The following EMC10 variants were observed in gnomAD, a reference collection of about 807,000 sequenced individuals.
EMC10 encodes UPF0510 protein INM02.
A neutral mutation model predicts 32.2 loss-of-function variants in EMC10; 40 were observed. The ratio of observed to expected loss-of-function variants is 1.24; its 90% confidence interval spans 0.96 to 1.61. The LOEUF is 1.61. Ranked by LOEUF, EMC10 falls within the 40% of genes most tolerant of loss-of-function variation. EMC10 has a pLI of 0.00. For missense variants in EMC10, 402 were observed against 357.7 expected (o/e 1.12, Z -1.00); for synonymous variants, 178 against 158.4 (o/e 1.12, Z -0.93).
chr19:50,482,014 GGACCTGGGCGCCCTCCCCTTACGC>G (rs1402025645), intron 6 of EMC10, 111 bp from the exon 7 acceptor site: 9 of 1,590,164 alleles, frequency 5.7e-6, no homozygotes, highest in Non-Finnish European at 6.9e-6. Context: ...GTGACGTAGG[GGACCTGGGCGCCCTCCCCTTACGC>G]GACCTCCCCT....
chr19:50,480,847 C>T lies in EMC10; in HGVS notation c.585-37C>T, dbSNP rs374611840. The T allele has an allele frequency of 2.3e-5, 37 of 1,575,774 alleles. No individual in the cohort carries two copies. Among genetic ancestry groups the T allele is most frequent in the African/African-American group, 1.1e-4 (8 of 73,792 alleles). On this transcript the variant is annotated intron_variant, in intron 5 of 6. Coordinates refer to ENST00000334976, the MANE Select transcript of EMC10 (RefSeq NM_206538.4). The surrounding 1 kb of genome is among the most constrained non-coding windows in gnomAD (Gnocchi z 4.4). ...TCAGGGTCTCCAGGTCCCTGGACTC[C>T]GGGCCTCACCCTTCTCCTCCTCTCC... is the stretch of plus-strand genomic sequence containing the variant.
Position 50,489,795 on chromosome 19 carries a change from C to T in EMC10, c.*7536C>T, listed in dbSNP as rs192686326. The T allele has an allele frequency of 3.2e-3, 496 of 153,246 alleles. No individual in the cohort carries two copies. The highest frequency in any genetic ancestry group is 5.9e-3 in the Non-Finnish European group (405 of 69,038). The allele number at this position is 153,246 out of a possible 1,614,324, so 9.5% of individuals were successfully genotyped here. On this transcript the variant is annotated 3_prime_UTR_variant, in exon 7 of 7. Transcript: ENST00000334976. ...GGAGGAAGGGAAGGAGCTGGAGGGG[C>T]GGGAGAACAGGAGACAGAACAGGAC... is the stretch of plus-strand genomic sequence containing the variant.
In EMC10 at chr19:50,485,760, C is replaced by G. The variant is rs887437121; in HGVS notation, c.*3501C>G. ...ACACTAGAGCTGACCTCACTACTCC[C>G]CTGCTCACAGCCCTCCGCGTGGCCT... is the stretch of plus-strand genomic sequence containing the variant. On this transcript the variant is annotated 3_prime_UTR_variant, in exon 7 of 7. Coordinates refer to ENST00000334976, the MANE Select transcript of EMC10 (RefSeq NM_206538.4). The G allele has an allele frequency of 2.0e-5, 3 of 151,994 alleles. No homozygotes were observed. The highest frequency in any genetic ancestry group is 7.3e-5 in the African/African-American group (3 of 41,038). The allele number at this position is 151,994 out of a possible 1,614,324, so 9.4% of individuals were successfully genotyped here.
In EMC10 at chr19:50,484,554, C is replaced by T. The variant is rs1449638499; in HGVS notation, c.*2295C>T. Reference sequence around the variant, plus strand: ...GGAAATGCCTGAGCTCCTTCAGGCTCCCCTAGCGTTCTGTTCTTATTAAAC... The same window carrying T: ...GGAAATGCCTGAGCTCCTTCAGGCTTCCCTAGCGTTCTGTTCTTATTAAAC... On this transcript the variant is annotated 3_prime_UTR_variant, in exon 7 of 7. Transcript: ENST00000334976. The T allele has an allele frequency of 6.6e-6, 1 of 152,170 alleles. No individual in the cohort carries two copies. Among genetic ancestry groups the T allele is most frequent in the African/African-American group, 2.4e-5 (1 of 41,430 alleles). 9.4% of individuals were successfully genotyped at this position (152,170 alleles called of 1,614,324 possible). A position where few individuals can be genotyped will look rare whatever the true frequency, so the allele number is the denominator to read the frequency against.
chr19:50,481,205 G>A, intron 6 of EMC10: 1 of 504,188 alleles, frequency 2.0e-6, no homozygotes, highest in South Asian at 3.1e-5. Flanking sequence ...TCCTGGGGGA[G>A]GTCTCGGCCT....
At position 50,480,951 on chromosome 19, in the gene EMC10, G is replaced by A. The variant is rs2122662143; in HGVS notation, c.652G>A (p.Glu218Lys). 1 of 1,612,568 alleles carries A rather than the reference G, an allele frequency of 6.2e-7. No individual in the cohort carries two copies. Among genetic ancestry groups the A allele is most frequent in the South Asian group, 1.1e-5 (1 of 91,026 alleles). The change falls in exon 6 of 7, where the codon GAG becomes AAG. Residue 218 changes from glutamate to lysine, a missense_variant. Physicochemically the swap from Glu to Lys is moderately conservative, Grantham distance 56 (BLOSUM62 1). Coordinates refer to ENST00000334976, the MANE Select transcript of EMC10 (RefSeq NM_206538.4). The surrounding 1 kb of genome is among the most constrained non-coding windows in gnomAD (Gnocchi z 4.4). The stretch of plus-strand genomic sequence containing the variant: ...GGCCCAGAAGGCCAAGAACCCCCAG[G>A]AGCAGAAGTCCTTCTTCGCCAAATA... Reference protein sequence around the residue: ...EQAQKAKNPQEQKSFFAKYWM... With the variant: ...EQAQKAKNPQKQKSFFAKYWM...
chr19:50,485,022 C>T lies in EMC10; in HGVS notation c.*2763C>T, dbSNP rs569710813. ...AAGTGTTGCTCTTTTCCCCCACCTT[C>T]TTTTGACATAGCTGGGGCAGTTTCC... On this transcript the variant is annotated 3_prime_UTR_variant, in exon 7 of 7. Coordinates refer to ENST00000334976, the MANE Select transcript of EMC10 (RefSeq NM_206538.4). 1.3e-4 allele frequency: 20 copies of T among 152,324 alleles called. No individual in the cohort carries two copies. The highest frequency in any genetic ancestry group is 4.6e-4 in the African/African-American group (19 of 41,566). 9.4% of individuals were successfully genotyped at this position (152,324 alleles called of 1,614,324 possible).
rs1978455344 is a variant in EMC10, at chr19:50,488,309, A to AG, written c.*6050_*6051insG. 1 of 150,244 alleles carries AG rather than the reference A, an allele frequency of 6.7e-6. No individual in the cohort carries two copies. The highest frequency in any genetic ancestry group is 2.4e-5 in the African/African-American group (1 of 40,846). 9.3% of individuals were successfully genotyped at this position (150,244 alleles called of 1,614,324 possible). On this transcript the variant is annotated 3_prime_UTR_variant, in exon 7 of 7. Transcript: ENST00000334976. ...AGACTCCGTCTCAAAAAAAAAAAAA[A>AG]AAAAAAAAAGAAAAGATGGCCAGAG...
chr19:50,480,443 C>A lies in EMC10; in HGVS notation c.403-138C>A, dbSNP rs949251986. On this transcript the variant is annotated intron_variant, in intron 4 of 6. Transcript: ENST00000334976. The surrounding 1 kb of genome is among the most constrained non-coding windows in gnomAD (Gnocchi z 4.4). ...GACTCCCGGGTGGGGGGCGGTTGAA[C>A]TTGGGCCTGAGGGTAACAGGGAGCC... 8.7e-7 allele frequency: 1 copy of A among 1,145,886 alleles called. No individual in the cohort carries two copies. Among genetic ancestry groups the A allele is most frequent in the Non-Finnish European group, 1.2e-6 (1 of 816,662 alleles). The allele number at this position is 1,145,886 out of a possible 1,614,324, so 71.0% of individuals were successfully genotyped here. A position where few individuals can be genotyped will look rare whatever the true frequency, so the allele number is the denominator to read the frequency against.
At chr19:50,479,512 C>A (rs536180317) in intron 3 of EMC10, among the ~76,000 whole-genome samples, 23 of 152,316 alleles carry the variant, frequency 1.5e-4, no homozygotes, top group African/African-American at 5.3e-4. Flanking sequence ...AGGGGTCATG[C>A]AGAGAGGCCC....
chr19:50,485,737 A>G lies in EMC10; in HGVS notation c.*3478A>G. On this transcript the variant is annotated 3_prime_UTR_variant, in exon 7 of 7. Coordinates refer to ENST00000334976, the MANE Select transcript of EMC10 (RefSeq NM_206538.4). ...TCCCCCTAATGGAGAGCTTCCTGAC[A>G]CTAGAGCTGACCTCACTACTCCCCT... 8.1e-6 allele frequency: 1 copy of G among 123,118 alleles called. No homozygotes were observed. The highest frequency in any genetic ancestry group is 2.8e-4 in the East Asian group (1 of 3,582). 7.6% of individuals were successfully genotyped at this position (123,118 alleles called of 1,614,324 possible).
intron 1 of EMC10, 60 bp downstream of exon 1, chr19:50,476,718 CT>C: frequency 9.1e-7 from 1 of 1,099,932 alleles, no homozygotes; most frequent in Non-Finnish European, 1.2e-6. Context: ...GGTCTTGGGT[CT>C]TTAGGTGAGT....
chr19:50,481,239 T>A, intron 6 of EMC10: 1 of 444,530 alleles, frequency 2.2e-6, no homozygotes, highest in Non-Finnish European at 4.0e-6. Flanking sequence ...GCCATGAGGC[T>A]GGAGAGGAAG....
In EMC10 at chr19:50,482,808, T is replaced by G. The variant is rs1184719617; in HGVS notation, c.*549T>G. ...GGCAGAGGCATGAAAGAGTCGGGGC[T>G]GGATGGCCGGGGGCTTCTGGGCCCG... is the stretch of plus-strand genomic sequence containing the variant. On this transcript the variant is annotated 3_prime_UTR_variant, in exon 7 of 7. Coordinates refer to ENST00000334976, the MANE Select transcript of EMC10 (RefSeq NM_206538.4). 1.9e-6 allele frequency: 1 copy of G among 526,252 alleles called. No individual in the cohort carries two copies. The highest frequency in any genetic ancestry group is 3.3e-6 in the Non-Finnish European group (1 of 299,164). The allele number at this position is 526,252 out of a possible 1,614,324, so 32.6% of individuals were successfully genotyped here.
Position 50,476,507 on chromosome 19 carries a change from G to A in EMC10, c.-38G>A, listed in dbSNP as rs1453781499. ...CTCCCGGCGTGCTCCGCGGCTCTTG[G>A]CTCACAGCCGTCCCTTCGCTGGTGG... On this transcript the variant is annotated 5_prime_UTR_variant, in exon 1 of 7. Coordinates refer to ENST00000334976, the MANE Select transcript of EMC10 (RefSeq NM_206538.4). The A allele has an allele frequency of 5.1e-6, 8 of 1,570,848 alleles. No homozygotes were observed. The highest frequency in any genetic ancestry group is 1.1e-5 in the South Asian group (1 of 88,276).
chr19:50,488,935 AGGGT>A lies in EMC10; in HGVS notation c.*6680_*6683del, dbSNP rs1978493175. 7.1e-6 allele frequency: 1 copy of A among 141,678 alleles called. No individual in the cohort carries two copies. The allele number at this position is 141,678 out of a possible 1,614,324, so 8.8% of individuals were successfully genotyped here. ...AAGAGAAGAAATGGGAGAGGGAAGA[AGGGT>A]GGGAGAGAAAACGGAACAGAGAGGG... is the stretch of plus-strand genomic sequence containing the variant. On this transcript the variant is annotated 3_prime_UTR_variant, in exon 7 of 7. Transcript: ENST00000334976.
intron 1 of EMC10, chr19:50,476,894 T>G: frequency 2.4e-6 from 1 of 408,406 alleles, no homozygotes. Context: ...GGCTCGGGAA[T>G]ATGTATGAGG....
At chr19:50,478,110 C>A in intron 2 of EMC10, 109 bp downstream of exon 2, 1 of 911,320 alleles carries the variant, frequency 1.1e-6, no homozygotes, top group Non-Finnish European at 1.7e-6. Flanking sequence ...CAACCATTTA[C>A]TAACAGATTT....
rs561758312 is a variant in EMC10, at chr19:50,480,291, C to T, written c.402+76C>T. 8.6e-5 allele frequency: 122 copies of T among 1,420,390 alleles called. No individual in the cohort carries two copies. In the East Asian group the frequency reaches 1.7e-3, roughly 20 times the overall value. 88.0% of individuals were successfully genotyped at this position (1,420,390 alleles called of 1,614,324 possible). On this transcript the variant is annotated intron_variant, in intron 4 of 6. Transcript: ENST00000334976. The surrounding 1 kb of genome is among the most constrained non-coding windows in gnomAD (Gnocchi z 4.4). ...CTACCCTGGTCCTGCTTCCACCATT[C>T]GAACCCCTGTGTTTCTGGAGCCCGC...
Sources: gnomAD v4.1 joint callset for allele counts (sites outside exome capture counted in the v4.1 genomes callset) on GRCh38, gnomAD v4.1.1 for gene constraint, Gnocchi (gnomAD v3.1) non-coding constraint, MANE v1.5 for transcripts, NCBI Gene and HGNC (gene_info 2026-07-23, HGNC 2026-07-21) for gene names.